Variants in TSG101 observed in about 807,000 individuals in gnomAD.
TSG101 encodes tumor susceptibility 101, also known as tumor susceptibility gene 101 protein.
Under a neutral mutation model 48.5 loss-of-function variants are expected in TSG101, and 19 were observed. The observed-to-expected ratio is 0.39, with a 90% CI of 0.27 to 0.58. TSG101 has a LOEUF of 0.58. Ranked by LOEUF, TSG101 falls within the 20% of genes least tolerant of loss-of-function variation. TSG101 has a pLI of 0.55. For missense variants in TSG101, 365 were observed against 484.4 expected, an observed-to-expected ratio of 0.75 and a Z score of 2.31; for synonymous variants, 174 against 169.4, an observed-to-expected ratio of 1.03 and a Z score of -0.21.
chr11:18,481,094 C>G (rs571343446), intron 9 of TSG101, among the ~76,000 whole-genome samples: 1 of 152,244 alleles, frequency 6.6e-6, no homozygotes, highest in Admixed American at 6.5e-5. Flanking sequence ...TCCCTAAAAC[C>G]ATGTTCTCCA....
In TSG101 at chr11:18,516,115, G is replaced by A; in HGVS notation, c.177C>T (p.Ile59=). ...SRELMNLTGT[I]PVPYRGNTYN... is the part of the protein sequence containing the mutation. ...GACATTTACCTCTATAAGGCACAGG[G>A]ATTGTTCCAGTGAGGTTCATTAGTT... is the stretch of plus-strand genomic sequence containing the variant. Residue 59 remains isoleucine (I), a synonymous_variant, in exon 3 of 10, where the codon ATC becomes ATT. Coordinates refer to ENST00000251968, the MANE Select transcript of TSG101 (RefSeq NM_006292.4). 3.1e-6 allele frequency: 5 copies of A among 1,613,822 alleles called. No homozygotes were observed. The highest frequency in any genetic ancestry group is 4.2e-6 in the Non-Finnish European group (5 of 1,179,858).
intron 7 of TSG101, among the ~76,000 whole-genome samples, chr11:18,499,265 TTATATATATTTATATATATCA>T (rs1849837153): frequency 8.3e-6 from 1 of 120,158 alleles, no homozygotes; most frequent in Non-Finnish European, 1.8e-5. Context: ...TATATATATT[TTATATATATTTATATATATCA>T]TATATATTTA....
intron 9 of TSG101, chr11:18,481,232 C>G: frequency 1.0e-6 from 1 of 957,484 alleles, no homozygotes; most frequent in Non-Finnish European, 1.2e-6. Context: ...TGTGGGAAAA[C>G]TGGTCTAAAG....
intron 6 of TSG101, among the ~76,000 whole-genome samples, chr11:18,504,684 CTCT>C (rs1412949926): frequency 5.3e-5 from 8 of 152,136 alleles, no homozygotes; most frequent in African/African-American, 1.9e-4. Context: ...TGGTATAAAA[CTCT>C]TCTAAGCCTA....
At chr11:18,513,459 G>GT (rs1184297098) in intron 4 of TSG101, among the ~76,000 whole-genome samples, 2 of 151,620 alleles carry the variant, frequency 1.3e-5, no homozygotes, top group African/African-American at 2.4e-5. Context: ...CCATGCCAAG[G>GT]TTTTTTTAAA....
At chr11:18,506,373 T>C (rs1849971458) in intron 6 of TSG101, among the ~76,000 whole-genome samples, 1 of 139,320 alleles carries the variant, frequency 7.2e-6, no homozygotes, top group Non-Finnish European at 1.6e-5. Context: ...AAAAATATTT[T>C]ATAATACTCT....
At chr11:18,499,908 AGTC>A (rs1849861781) in intron 7 of TSG101, among the ~76,000 whole-genome samples, 3 of 152,136 alleles carry the variant, frequency 2.0e-5, no homozygotes, top group Non-Finnish European at 4.4e-5. Flanking sequence ...TGTTAACTAT[AGTC>A]ACCCTACTCT....
At chr11:18,511,174 C>G (rs1007471226) in intron 4 of TSG101, 2 of 152,292 alleles carry the variant, frequency 1.3e-5, no homozygotes, top group Admixed American at 1.3e-4. Flanking sequence ...CCCTCCTCCC[C>G]CCAGACAAGG....
At position 18,484,040 on chromosome 11, in the gene TSG101, T is replaced by C. The variant is rs997972260; in HGVS notation, c.673A>G (p.Thr225Ala). The C allele has an allele frequency of 6.2e-7, 1 of 1,614,094 alleles. No homozygotes were observed. Among genetic ancestry groups the C allele is most frequent in the Admixed American group, 1.7e-5 (1 of 60,014 alleles). Residue 225 changes from threonine to alanine, a missense_variant, in exon 8 of 10, where the codon ACC becomes GCC. Coordinates refer to ENST00000251968, the MANE Select transcript of TSG101 (RefSeq NM_006292.4). Reference protein sequence around the residue: ...PSRDGTISEDTIRASLISAVS... With the variant: ...PSRDGTISEDAIRASLISAVS... ...GCAGAGATGAGAGAGGCTCGGATGG[T>C]GTCCTCGCTGATTGTGCCATCCCTA...
intron 3 of TSG101, 38 bp from the exon 4 acceptor site, chr11:18,514,879 ATTATTT>A (rs753270092): frequency 3.3e-6 from 5 of 1,497,084 alleles, no homozygotes; most frequent in Non-Finnish European, 4.4e-6. Flanking sequence ...CTCTATTTTT[ATTATTT>A]TTAAATTGAA....
At chr11:18,521,969 T>A (rs930110516) in intron 1 of TSG101, among the ~76,000 whole-genome samples, 1 of 152,186 alleles carries the variant, frequency 6.6e-6, no homozygotes, top group East Asian at 1.9e-4. Flanking sequence ...TGAGCCATCA[T>A]GCCCAGCTCC....
At chr11:18,500,321 C>T (rs1196135317) in intron 7 of TSG101, among the ~76,000 whole-genome samples, 1 of 152,122 alleles carries the variant, frequency 6.6e-6, no homozygotes. Flanking sequence ...ATACTGATTT[C>T]CTTTCCCTTG....
At chr11:18,492,027 A>G (rs1313827145) in intron 7 of TSG101, among the ~76,000 whole-genome samples, 1 of 152,236 alleles carries the variant, frequency 6.6e-6, no homozygotes, top group Admixed American at 6.5e-5. Flanking sequence ...CTTTAAAGAA[A>G]GTGAAAAAGA....
chr11:18,512,723 A>T (rs1390740653), intron 4 of TSG101, among the ~76,000 whole-genome samples: 3 of 120,372 alleles, frequency 2.5e-5, no homozygotes, highest in Non-Finnish European at 1.7e-5. Context: ...GGACAGACAG[A>T]TTTTTTTTTT....
chr11:18,505,120 G>A (rs992619444), intron 6 of TSG101, among the ~76,000 whole-genome samples: 15 of 152,140 alleles, frequency 9.9e-5, no homozygotes, highest in African/African-American at 3.6e-4. Context: ...CCTATGACAT[G>A]TGTTCAGAAA....
In TSG101 at chr11:18,501,756, T is replaced by C. The variant is rs192401771; in HGVS notation, c.640+730A>G. ...TTCATGGGCATGAAATGTCTTTCCATTTGTTTGTCTCAATTGGACTCTTTA... is the reference window on the plus strand; with the variant it reads ...TTCATGGGCATGAAATGTCTTTCCACTTGTTTGTCTCAATTGGACTCTTTA... On this transcript the variant is annotated intron_variant, in intron 7 of 9. Transcript: ENST00000251968. Among the ~76,000 whole-genome samples the C allele has an allele frequency of 2.0e-5, 3 of 152,344 alleles. No homozygotes were observed. In the East Asian group the frequency reaches 5.8e-4, roughly 29 times the overall value.
chr11:18,508,165 C>T (rs1850006679), intron 5 of TSG101, among the ~76,000 whole-genome samples: 1 of 150,712 alleles, frequency 6.6e-6, no homozygotes, highest in Non-Finnish European at 1.5e-5. Context: ...AGCGGTCACT[C>T]GCTATATTAT....
chr11:18,494,448 T>A (rs1486566380), intron 7 of TSG101, among the ~76,000 whole-genome samples: 2 of 152,256 alleles, frequency 1.3e-5, no homozygotes, highest in East Asian at 3.8e-4. Flanking sequence ...ACCTTTCCTT[T>A]ACTAACAAAA....
chr11:18,526,901 C>T lies in TSG101; in HGVS notation c.-85G>A. On this transcript the variant is annotated 5_prime_UTR_variant, in exon 1 of 10. In the 5' UTR this introduces an upstream ATG that the reference lacks. Transcript: ENST00000251968. ...CCAGACCGTCCCACACAATCGCACA[C>T]CCCCAACCCGGCCTCAAACAACAGG... is the stretch of plus-strand genomic sequence containing the variant. The T allele has an allele frequency of 6.9e-7, 1 of 1,454,404 alleles. No individual in the cohort carries two copies. The highest frequency in any genetic ancestry group is 9.3e-7 in the Non-Finnish European group (1 of 1,074,418). The allele number at this position is 1,454,404 out of a possible 1,614,324, so 90.1% of individuals were successfully genotyped here. A position where few individuals can be genotyped will look rare whatever the true frequency, so the allele number is the denominator to read the frequency against.
Sources: gnomAD v4.1 joint callset for allele counts (sites outside exome capture counted in the v4.1 genomes callset) on GRCh38, gnomAD v4.1.1 for gene constraint, MANE v1.5 for transcripts, NCBI Gene and HGNC (gene_info 2026-07-23, HGNC 2026-07-21) for gene names.